Variants in PITPNC1 observed in about 807,000 individuals in gnomAD.
The protein encoded by PITPNC1 is phosphatidylinositol transfer protein cytoplasmic 1, also known as cytoplasmic phosphatidylinositol transfer protein 1.
A neutral mutation model predicts 44.7 loss-of-function variants in PITPNC1; 18 were observed. The ratio of observed to expected loss-of-function variants is 0.40; its 90% CI spans 0.28 to 0.60. The LOEUF (loss-of-function observed/expected upper bound fraction) is 0.60. PITPNC1 is among the 20% of genes least tolerant of loss of function. PITPNC1 has a pLI of 0.39. For synonymous variants in PITPNC1, 141 were observed against 149.6 expected (o/e 0.94, Z 0.42); for missense variants, 290 against 418.4 (o/e 0.69, Z 2.68).
intron 1 of PITPNC1, among the ~76,000 whole-genome samples, chr17:67,454,247 T>C (rs1212482966): frequency 5.0e-5 from 7 of 138,618 alleles, no homozygotes; most frequent in Non-Finnish European, 7.8e-5. Flanking sequence ...CAAGACTCCG[T>C]TCTCAAAAAA....
chr17:67,473,521 C>G (rs1307219731), intron 1 of PITPNC1, among the ~76,000 whole-genome samples: 1 of 150,596 alleles, frequency 6.6e-6, no homozygotes, highest in Non-Finnish European at 1.5e-5. Context: ...TTAGTAGAGA[C>G]GGGGTTTCAC....
chr17:67,589,292 C>G (rs569961751), intron 5 of PITPNC1, among the ~76,000 whole-genome samples: 7 of 152,290 alleles, frequency 4.6e-5, no homozygotes, highest in Admixed American at 2.0e-4. Context: ...ATAGTGACAA[C>G]ACAGCTTACC....
chr17:67,572,631 C>G (rs1337563868), intron 4 of PITPNC1, among the ~76,000 whole-genome samples: 1 of 151,536 alleles, frequency 6.6e-6, no homozygotes, highest in Non-Finnish European at 1.5e-5. Context: ...GAGATACGCG[C>G]TGTGATAAAG....
intron 8 of PITPNC1, among the ~76,000 whole-genome samples, chr17:67,692,010 G>T (rs1327860675): frequency 6.9e-6 from 1 of 144,748 alleles, no homozygotes; most frequent in African/African-American, 2.6e-5. Context: ...TCCCGTCTCA[G>T]AAAGAAAAAA....
At chr17:67,474,690 G>A (rs942539480) in intron 1 of PITPNC1, among the ~76,000 whole-genome samples, 11 of 152,082 alleles carry the variant, frequency 7.2e-5, no homozygotes, top group Non-Finnish European at 1.5e-4. Context: ...GTCTCCCTCT[G>A]TTGCCAAGGC....
intron 1 of PITPNC1, among the ~76,000 whole-genome samples, chr17:67,416,808 GTC>G (rs928590409): frequency 3.3e-5 from 5 of 152,128 alleles, no homozygotes; most frequent in Non-Finnish European, 7.4e-5. Flanking sequence ...CATTCTCTCT[GTC>G]TCTCTTTTTT....
At chr17:67,456,765 C>A (rs900552556) in intron 1 of PITPNC1, among the ~76,000 whole-genome samples, 8 of 151,962 alleles carry the variant, frequency 5.3e-5, no homozygotes, top group Non-Finnish European at 1.0e-4. Context: ...GGTCTTTACT[C>A]GTCTTTCTAA....
At chr17:67,659,072 G>A (rs1279394687) in intron 6 of PITPNC1, among the ~76,000 whole-genome samples, 10 of 152,108 alleles carry the variant, frequency 6.6e-5, no homozygotes, top group Admixed American at 6.6e-4. Context: ...CAGCTTTCAG[G>A]CTTGTGGCTG....
At chr17:67,620,550 C>A (rs1282085177) in intron 5 of PITPNC1, among the ~76,000 whole-genome samples, 1 of 149,136 alleles carries the variant, frequency 6.7e-6, no homozygotes, top group African/African-American at 2.4e-5. Flanking sequence ...CGCCACCTCA[C>A]TGGGGACAGA....
chr17:67,442,174 C>G (rs2039020576), intron 1 of PITPNC1, among the ~76,000 whole-genome samples: 1 of 130,466 alleles, frequency 7.7e-6, no homozygotes, highest in Non-Finnish European at 1.6e-5. Context: ...CCTGCCAAAC[C>G]ATATTGGAGC....
At chr17:67,523,807 GT>G (rs11439767) in intron 1 of PITPNC1, among the ~76,000 whole-genome samples, 21 of 125,876 alleles carry the variant, frequency 1.7e-4, no homozygotes, top group South Asian at 5.1e-4. Flanking sequence ...CATGGAAACC[GT>G]TTTTTTTTTT....
intron 1 of PITPNC1, among the ~76,000 whole-genome samples, chr17:67,400,205 G>A (rs1318019885): frequency 6.6e-6 from 1 of 152,160 alleles, no homozygotes; most frequent in Non-Finnish European, 1.5e-5. Context: ...TGAGATGTCC[G>A]TGGGATCTAA....
intron 1 of PITPNC1, among the ~76,000 whole-genome samples, chr17:67,476,206 G>C (rs1213612906): frequency 2.3e-4 from 16 of 68,340 alleles, no homozygotes; most frequent in Non-Finnish European, 3.9e-4. Context: ...TTTTTTTTGA[G>C]ATGGAGTCTC....
intron 5 of PITPNC1, chr17:67,612,639 C>G (rs118049318): frequency 6.6e-6 from 1 of 151,916 alleles, no homozygotes; most frequent in Non-Finnish European, 1.5e-5. Flanking sequence ...GAAGAAAACT[C>G]ATGGTTGGGG....
At chr17:67,616,600 G>C (rs1361153128) in intron 5 of PITPNC1, among the ~76,000 whole-genome samples, 1 of 152,020 alleles carries the variant, frequency 6.6e-6, no homozygotes, top group East Asian at 1.9e-4. Context: ...AGGGTTTACC[G>C]TATGTGGGAC....
chr17:67,391,060 CGTGTGTGT>C (rs80236076), intron 1 of PITPNC1, among the ~76,000 whole-genome samples: 1 of 146,798 alleles, frequency 6.8e-6, no homozygotes, highest in East Asian at 2.0e-4. Context: ...ACTTTTTTAG[CGTGTGTGT>C]GTGTGTGTGT....
intron 1 of PITPNC1, among the ~76,000 whole-genome samples, chr17:67,391,087 T>TGTGTGTGTG (rs2038132148): frequency 9.8e-6 from 1 of 102,306 alleles, no homozygotes; most frequent in African/African-American, 5.6e-5. Context: ...GTGTGTGTGT[T>TGTGTGTGTG]TAATCTTTTT....
intron 5 of PITPNC1, among the ~76,000 whole-genome samples, chr17:67,587,943 T>C (rs1314228884): frequency 6.6e-6 from 1 of 152,202 alleles, no homozygotes; most frequent in Non-Finnish European, 1.5e-5. Context: ...AATTTTAGCA[T>C]TTCAGGAGAG....
At chr17:67,624,064 T>A (rs1598900319) in intron 5 of PITPNC1, among the ~76,000 whole-genome samples, 1 of 152,292 alleles carries the variant, frequency 6.6e-6, no homozygotes, top group East Asian at 1.9e-4. Context: ...TTACCTTAAT[T>A]TATTTGGCAA....
Sources: gnomAD v4.1 joint callset for allele counts (sites outside exome capture counted in the v4.1 genomes callset) on GRCh38, gnomAD v4.1.1 for gene constraint, MANE v1.5 for transcripts, NCBI Gene and HGNC (gene_info 2026-07-23, HGNC 2026-07-21) for gene names.